Variants in CYB5A observed in about 807,000 individuals in gnomAD.
The protein encoded by CYB5A is cytochrome b5 type A.
A neutral mutation model predicts 16.2 loss-of-function variants in CYB5A; 10 were observed. The ratio of observed to expected loss-of-function variants is 0.62; its 90% confidence interval spans 0.38 to 1.04. CYB5A has a LOEUF of 1.04. Among genes scored for constraint, CYB5A ranks in the 50% least tolerant of loss-of-function variants. The pLI, the probability that CYB5A is intolerant of heterozygous loss-of-function variation, is 0.01. For missense variants in CYB5A, 161 were observed against 165.9 expected, an observed-to-expected ratio of 0.97 and a Z score of 0.16; for synonymous variants, 62 against 57.0, an observed-to-expected ratio of 1.09 and a Z score of -0.40.
At chr18:74,277,225 T>C (rs577150092) in intron 1 of CYB5A, among the ~76,000 whole-genome samples, 1 of 152,320 alleles carries the variant, frequency 6.6e-6, no homozygotes, top group South Asian at 2.1e-4. Context: ...CTGGATGCTG[T>C]TTTTCTAAGA....
At chr18:74,275,564 G>A (rs1982838686) in intron 1 of CYB5A, among the ~76,000 whole-genome samples, 1 of 152,218 alleles carries the variant, frequency 6.6e-6, no homozygotes, top group Admixed American at 6.5e-5. Context: ...AGGATCTCCT[G>A]AGCCTAATCC....
At position 74,277,513 on chromosome 18, in the gene CYB5A, T is replaced by C. The variant is rs1982925683; in HGVS notation, c.130-14036A>G. On this transcript the variant is annotated intron_variant, in intron 1 of 4. Coordinates refer to ENST00000340533, the MANE Select transcript of CYB5A (RefSeq NM_148923.4). ...ATCTGATGAATGCCAAGCCATGCTCTGTTGCTACCAAAATGGCAAAGTCAT... is the reference window on the plus strand; with the variant it reads ...ATCTGATGAATGCCAAGCCATGCTCCGTTGCTACCAAAATGGCAAAGTCAT... Among the ~76,000 whole-genome samples the C allele has an allele frequency of 2.0e-5, 3 of 152,218 alleles. No individual in the cohort carries two copies. The South Asian group carries it at 6.2e-4, about 31-fold the overall frequency.
At chr18:74,256,625 C>A in intron 3 of CYB5A, 1 of 581,592 alleles carries the variant, frequency 1.7e-6, no homozygotes, top group Non-Finnish European at 3.1e-6. Flanking sequence ...CCAACATAAG[C>A]ATTAGGGCCT....
chr18:74,260,827 T>A, intron 3 of CYB5A, 88 bp downstream of exon 3: 1 of 1,062,094 alleles, frequency 9.4e-7, no homozygotes, highest in Non-Finnish European at 1.5e-6. Flanking sequence ...CTGGCATCAG[T>A]CAGGTAAATA....
At chr18:74,279,620 G>A (rs1210590880) in intron 1 of CYB5A, among the ~76,000 whole-genome samples, 16 of 152,178 alleles carry the variant, frequency 1.1e-4, no homozygotes, top group South Asian at 2.1e-4. Context: ...AAGAAAGCAG[G>A]ATTGACAGTG....
In CYB5A at chr18:74,291,738, C is replaced by T. The variant is rs766837154; in HGVS notation, c.129+9G>A. ...TCCCTGCGCCCCAAGCCGCTCATCC[C>T]CAACTCACCTCTTCCAGAAATTTGG... On this transcript the variant is annotated intron_variant, in intron 1 of 4. Coordinates refer to ENST00000340533, the MANE Select transcript of CYB5A (RefSeq NM_148923.4). The T allele has an allele frequency of 3.1e-6, 5 of 1,613,664 alleles. No homozygotes were observed. In the Admixed American group the frequency reaches 6.7e-5, roughly 22 times the overall value.
chr18:74,281,441 A>G (rs1983098788), intron 1 of CYB5A, among the ~76,000 whole-genome samples: 1 of 152,168 alleles, frequency 6.6e-6, no homozygotes, highest in Non-Finnish European at 1.5e-5. Flanking sequence ...GAGGTCGGAC[A>G]GAAGAGAAGT....
At chr18:74,256,880 G>T in intron 3 of CYB5A, 2 of 1,611,214 alleles carry the variant, frequency 1.2e-6, no homozygotes, top group Non-Finnish European at 1.7e-6. Flanking sequence ...AAAAAGGTAA[G>T]TCATTTAAAA....
At chr18:74,290,499 C>T (rs1264714850) in intron 1 of CYB5A, among the ~76,000 whole-genome samples, 1 of 152,220 alleles carries the variant, frequency 6.6e-6, no homozygotes, top group African/African-American at 2.4e-5. Context: ...CCCGCCTCAG[C>T]CTCCCAAAGT....
chr18:74,289,669 G>C (rs1437545470), intron 1 of CYB5A, among the ~76,000 whole-genome samples: 1 of 151,778 alleles, frequency 6.6e-6, no homozygotes, highest in Non-Finnish European at 1.5e-5. Flanking sequence ...CCAGCTACTT[G>C]GGAGGCTGAG....
At chr18:74,256,651 A>G in intron 3 of CYB5A, 2 of 609,598 alleles carry the variant, frequency 3.3e-6, no homozygotes, top group Non-Finnish European at 5.8e-6. Flanking sequence ...AGAAGTTGCC[A>G]TAAATAAGAC....
intron 2 of CYB5A, among the ~76,000 whole-genome samples, chr18:74,262,842 C>T (rs559806787): frequency 5.3e-5 from 8 of 152,260 alleles, no homozygotes; most frequent in Admixed American, 2.0e-4. Context: ...CTGACTAAAA[C>T]GAAGTGCCAG....
intron 1 of CYB5A, among the ~76,000 whole-genome samples, chr18:74,269,379 G>T (rs1016714269): frequency 3.9e-5 from 6 of 152,108 alleles, no homozygotes; most frequent in African/African-American, 1.4e-4. Flanking sequence ...AGCACCCTGG[G>T]GCTCAGTCCC....
At chr18:74,264,776 A>C (rs1367372695) in intron 1 of CYB5A, among the ~76,000 whole-genome samples, 1 of 152,174 alleles carries the variant, frequency 6.6e-6, no homozygotes. Context: ...ATGTGAAACA[A>C]GGATGGTCAT....
chr18:74,287,958 G>A (rs897048453), intron 1 of CYB5A, among the ~76,000 whole-genome samples: 1 of 151,960 alleles, frequency 6.6e-6, no homozygotes, highest in African/African-American at 2.4e-5. Context: ...ATCAAGCAAA[G>A]ACTCAATTTC....
At chr18:74,255,630 G>T in intron 4 of CYB5A, 111 bp downstream of exon 4, 1 of 892,564 alleles carries the variant, frequency 1.1e-6, no homozygotes, top group Non-Finnish European at 1.9e-6. Flanking sequence ...AGGTTGCTGA[G>T]ACAGCACAGT....
At chr18:74,265,997 G>A (rs1982418308) in intron 1 of CYB5A, among the ~76,000 whole-genome samples, 1 of 152,150 alleles carries the variant, frequency 6.6e-6, no homozygotes, top group Non-Finnish European at 1.5e-5. Flanking sequence ...TCCTCAACGG[G>A]ACTTTGACAT....
At chr18:74,277,707 C>T (rs1388069327) in intron 1 of CYB5A, among the ~76,000 whole-genome samples, 1 of 152,132 alleles carries the variant, frequency 6.6e-6, no homozygotes, top group African/African-American at 2.4e-5. Flanking sequence ...CAGGAGGCAA[C>T]GCTTAGACTC....
rs780177077 is a variant in CYB5A at position 74,291,788 on chromosome 18, G to A, written c.88C>T (p.Leu30=). The A allele has an allele frequency of 3.1e-6, 5 of 1,613,808 alleles. No individual in the cohort carries two copies. In the South Asian group the frequency reaches 5.5e-5, roughly 18 times the overall value. Residue 30 remains leucine (L), a synonymous_variant, in exon 1 of 5, where the codon CTG becomes TTG. Coordinates refer to ENST00000340533, the MANE Select transcript of CYB5A (RefSeq NM_148923.4). The part of the protein sequence containing the change: ...HNHSKSTWLI[L]HHKVYDLTKF... ...GTCAAATCGTACACCTTGTGGTGCAGGATCAGCCAGGTGCTCTTGCTGTGG... is the reference window on the plus strand; with the variant it reads ...GTCAAATCGTACACCTTGTGGTGCAAGATCAGCCAGGTGCTCTTGCTGTGG...
Sources: allele counts gnomAD v4.1 joint callset (sites outside exome capture counted in the v4.1 genomes callset), GRCh38; gene constraint gnomAD v4.1.1; transcripts MANE v1.5; gene names NCBI Gene and HGNC (gene_info 2026-07-23, HGNC 2026-07-21).